Variants in METAP2 observed in about 807,000 individuals in gnomAD.
METAP2 encodes methionyl aminopeptidase 2, also known as methionine aminopeptidase 2.
METAP2 carries 25 observed loss-of-function variants against 59.4 expected under a neutral mutation model. That is an observed-to-expected ratio of 0.42 (90% CI 0.31 to 0.59). METAP2 has a LOEUF of 0.59. Among genes scored for constraint, METAP2 ranks in the 20% least tolerant of loss-of-function variants. METAP2 has a pLI of 0.16. For missense variants in METAP2, 366 were observed against 581.2 expected (o/e 0.63, Z 3.81); for synonymous variants, 214 against 194.1 (o/e 1.10, Z -0.85).
intron 2 of METAP2, among the ~76,000 whole-genome samples, chr12:95,479,739 G>C (rs1002367044): frequency 7.9e-5 from 12 of 151,994 alleles, no homozygotes; most frequent in African/African-American, 2.9e-4. Flanking sequence ...CTCCTGAGTG[G>C]CTGGGATTAC....
chr12:95,479,807 C>T (rs2076145805), intron 2 of METAP2, among the ~76,000 whole-genome samples: 1 of 152,094 alleles, frequency 6.6e-6, no homozygotes, highest in Non-Finnish European at 1.5e-5. Flanking sequence ...CAGGGTTTCA[C>T]CATGTTGGCC....
intron 1 of METAP2, 135 bp downstream of exon 1, chr12:95,474,465 G>A (rs972113997): frequency 9.9e-6 from 9 of 911,728 alleles, no homozygotes; most frequent in Admixed American, 8.8e-5. Flanking sequence ...GGGTGGCAAA[G>A]CCGGGCTATA....
chr12:95,491,372 TAAG>T (rs1215609187), intron 4 of METAP2, among the ~76,000 whole-genome samples: 3 of 152,240 alleles, frequency 2.0e-5, no homozygotes, highest in Non-Finnish European at 4.4e-5. Context: ...TACTATTCTG[TAAG>T]AAGAATTTTC....
At chr12:95,499,597 A>G (rs1247981536) in intron 7 of METAP2, among the ~76,000 whole-genome samples, 2 of 151,620 alleles carry the variant, frequency 1.3e-5, no homozygotes, top group African/African-American at 2.4e-5. Flanking sequence ...AAAACACCAA[A>G]TGGATTTTGA....
intron 4 of METAP2, among the ~76,000 whole-genome samples, chr12:95,492,773 G>T (rs532086926): frequency 6.6e-5 from 10 of 152,146 alleles, no homozygotes; most frequent in Non-Finnish European, 1.2e-4. Context: ...AGTCAGGTTG[G>T]TCTTGAACTA....
At chr12:95,481,042 T>C (rs185169812) in intron 2 of METAP2, among the ~76,000 whole-genome samples, 137 of 152,346 alleles carry the variant, frequency 9.0e-4, no homozygotes, top group African/African-American at 3.2e-3. Flanking sequence ...AGGCAGAGCT[T>C]AAAAGCTTGA....
chr12:95,502,678 ACTT>A (rs1248479114), intron 7 of METAP2, among the ~76,000 whole-genome samples: 7 of 151,646 alleles, frequency 4.6e-5, no homozygotes, highest in East Asian at 1.9e-4. Context: ...TTACCTTTCT[ACTT>A]CTTCTGAAAA....
Position 95,476,163 on chromosome 12 carries a change from G to GATGAAGATCATC in METAP2, c.252_253insCATCATGAAGAT (p.Asp84_Asp85insHisHisGluAsp), listed in dbSNP as rs756360751. 1 of 1,593,870 alleles carries GATGAAGATCATC rather than the reference G, an allele frequency of 6.3e-7. No individual in the cohort carries two copies. Among genetic ancestry groups the GATGAAGATCATC allele is most frequent in the East Asian group, 2.2e-5 (1 of 44,774 alleles). On this transcript the variant is annotated inframe_insertion, in exon 2 of 11. Transcript: ENST00000323666. The stretch of plus-strand genomic sequence containing the variant: ...ATCAGCATTGGAAGATAAAGAAAGA[G>GATGAAGATCATC]ATGAAGATGATGAAGGTAAATGGTT...
At chr12:95,474,479 T>G (rs2076102716) in intron 1 of METAP2, 149 bp downstream of exon 1, 2 of 804,482 alleles carry the variant, frequency 2.5e-6, no homozygotes, top group South Asian at 3.9e-5. Flanking sequence ...GGCTATAGAT[T>G]CCTAGTCTGA....
At chr12:95,485,847 A>T (rs778980103) in intron 3 of METAP2, 32 bp from the exon 4 acceptor site, 10 of 1,351,376 alleles carry the variant, frequency 7.4e-6, no homozygotes, top group Non-Finnish European at 1.0e-5. Context: ...ATTTTTAACT[A>T]CAGAAGTTAA....
intron 4 of METAP2, among the ~76,000 whole-genome samples, chr12:95,487,868 G>A (rs2076209134): frequency 6.6e-6 from 1 of 152,074 alleles, no homozygotes; most frequent in Admixed American, 6.5e-5. Flanking sequence ...ATATTCCGTG[G>A]TGTGAGTGTA....
intron 3 of METAP2, chr12:95,484,730 T>TA: frequency 2.6e-6 from 1 of 391,992 alleles, no homozygotes; most frequent in South Asian, 1.9e-5. Context: ...TTCTGCTTAG[T>TA]ATCAAGGATA....
chr12:95,482,925 A>G (rs923921449), intron 2 of METAP2, among the ~76,000 whole-genome samples: 1 of 152,036 alleles, frequency 6.6e-6, no homozygotes, highest in African/African-American at 2.4e-5. Flanking sequence ...CTGTTTCTAA[A>G]TTTTTTAGTG....
At chr12:95,512,149 C>G (rs2076407518) in intron 9 of METAP2, 151 bp downstream of exon 9, 1 of 599,948 alleles carries the variant, frequency 1.7e-6, no homozygotes, top group African/African-American at 1.9e-5. Flanking sequence ...TTTGAATTTG[C>G]AAATTGTGTA....
At chr12:95,503,207 T>C (rs1415470093) in intron 7 of METAP2, among the ~76,000 whole-genome samples, 1 of 152,220 alleles carries the variant, frequency 6.6e-6, no homozygotes, top group East Asian at 1.9e-4. Context: ...CAGCATTTCT[T>C]TCAGATTTTT....
rs1401273822 is a variant in METAP2, at chr12:95,483,208, T to G, written c.260-7T>G. ...AATGAACATGTACTTGAAATGTCTTTTCTTAGATGGAGATGGCGATGGAGA... is the reference window on the plus strand; with the variant it reads ...AATGAACATGTACTTGAAATGTCTTGTCTTAGATGGAGATGGCGATGGAGA... On this transcript the variant is annotated splice_region_variant and splice_polypyrimidine_tract_variant and intron_variant, in intron 2 of 10. Coordinates refer to ENST00000323666, the MANE Select transcript of METAP2 (RefSeq NM_006838.4). 1 of 1,609,494 alleles carries G rather than the reference T, an allele frequency of 6.2e-7. No individual in the cohort carries two copies. The highest frequency in any genetic ancestry group is 1.7e-5 in the Admixed American group (1 of 60,006).
chr12:95,496,091 G>T lies in METAP2; in HGVS notation c.860G>T (p.Gly287Val). 6.4e-7 allele frequency: 1 copy of T among 1,567,154 alleles called. No individual in the cohort carries two copies. Residue 287 changes from glycine (G) to valine (V), a missense_variant, in exon 7 of 11, where the codon GGA becomes GTA. By Grantham distance (109) the Gly-to-Val change is moderately radical. This residue lies in a region of METAP2 where 106 missense variants were observed against 221.9 expected (regional missense o/e 0.48). Transcript: ENST00000323666. ...GCTGTAAAAGATGCTACTAACACTG[G>T]AATAAAGGTATGTGAACTGTAAGCA... ...LKAVKDATNTGIKCAGIDVRL... is the reference protein window; with the variant it reads ...LKAVKDATNTVIKCAGIDVRL...
chr12:95,477,035 A>G (rs371832139), intron 2 of METAP2, among the ~76,000 whole-genome samples: 15 of 152,298 alleles, frequency 9.8e-5, no homozygotes, highest in East Asian at 7.7e-4. Context: ...TGACATAGCT[A>G]ATATGTGTAG....
rs551306020 is a variant in METAP2 at position 95,482,752 on chromosome 12, A to G, written c.260-463A>G. On this transcript the variant is annotated intron_variant, in intron 2 of 10. Coordinates refer to ENST00000323666, the MANE Select transcript of METAP2 (RefSeq NM_006838.4). ...GGTTGCAGTGAGCTGAGATTGCGCCATTGCACTCCAGCCTGGGCAACAGAG... is the reference window on the plus strand; with the variant it reads ...GGTTGCAGTGAGCTGAGATTGCGCCGTTGCACTCCAGCCTGGGCAACAGAG... 8.5e-5 allele frequency among the ~76,000 whole-genome samples: 13 copies of G among 152,296 alleles called. No individual in the cohort carries two copies. In the East Asian group the frequency reaches 2.5e-3, roughly 29 times the overall value.
Sources: gnomAD v4.1 joint callset for allele counts (sites outside exome capture counted in the v4.1 genomes callset) on GRCh38, gnomAD v4.1.1 for gene constraint, gnomAD v4.1.1 regional missense constraint, MANE v1.5 for transcripts, NCBI Gene and HGNC (gene_info 2026-07-23, HGNC 2026-07-21) for gene names.